MYRIP: variants seen among roughly 807,000 people sequenced by gnomAD.
MYRIP encodes myosin VIIA and Rab interacting protein.
Under a neutral mutation model 98.0 loss-of-function variants are expected in MYRIP, and 49 were observed. The observed-to-expected ratio is 0.50, with a 90% confidence interval of 0.40 to 0.63. MYRIP has a LOEUF of 0.63. MYRIP is among the 30% of genes least tolerant of loss of function. The pLI is 0.00. For missense variants in MYRIP, 1,004 were observed against 1,058.2 expected (o/e 0.95, Z 0.71); for synonymous variants, 404 against 409.5 (o/e 0.99, Z 0.16).
At chr3:40,122,456 A>G (rs1949424317) in intron 3 of MYRIP, among the ~76,000 whole-genome samples, 1 of 151,560 alleles carries the variant, frequency 6.6e-6, no homozygotes, top group Non-Finnish European at 1.5e-5. Context: ...TGTAGAAAAT[A>G]TACAAATACA....
chr3:40,122,432 T>C (rs899287361), intron 3 of MYRIP, among the ~76,000 whole-genome samples: 2 of 151,576 alleles, frequency 1.3e-5, no homozygotes, highest in Non-Finnish European at 2.9e-5. Flanking sequence ...TTTTACCCAA[T>C]TATTCATGCT....
chr3:39,927,643 A>C (rs190237601), intron 2 of MYRIP, among the ~76,000 whole-genome samples: 22 of 152,124 alleles, frequency 1.4e-4, no homozygotes, highest in Middle Eastern at 3.4e-3. Context: ...CCATACTGAA[A>C]CTATTCCAAA....
At chr3:39,918,008 G>A (rs936526040) in intron 2 of MYRIP, among the ~76,000 whole-genome samples, 2 of 151,140 alleles carry the variant, frequency 1.3e-5, no homozygotes, top group Non-Finnish European at 2.9e-5. Context: ...CTCACTGCAA[G>A]CTCAGCTTCC....
intron 10 of MYRIP, 42 bp from the exon 11 acceptor site, chr3:40,209,812 T>C: frequency 6.2e-7 from 1 of 1,610,666 alleles, no homozygotes; most frequent in Non-Finnish European, 8.5e-7. Context: ...AACATGGCTG[T>C]AGCAGAGGGC....
chr3:39,966,562 T>G (rs1303413042), intron 2 of MYRIP, among the ~76,000 whole-genome samples: 1 of 152,158 alleles, frequency 6.6e-6, no homozygotes. Context: ...TAAAAAGGTG[T>G]GAGCCAGCTC....
chr3:40,102,642 G>A (rs1948967885), intron 3 of MYRIP, among the ~76,000 whole-genome samples: 2 of 152,090 alleles, frequency 1.3e-5, no homozygotes. Flanking sequence ...GGAAACTGTG[G>A]CAACAATGTA....
intron 4 of MYRIP, among the ~76,000 whole-genome samples, chr3:40,153,164 G>A (rs1213011055): frequency 1.3e-5 from 2 of 152,028 alleles, no homozygotes; most frequent in African/African-American, 2.4e-5. Context: ...TAGAAATATG[G>A]GAATCAGTTG....
chr3:40,022,699 T>C (rs1196419873), intron 2 of MYRIP, among the ~76,000 whole-genome samples: 4 of 152,070 alleles, frequency 2.6e-5, no homozygotes, highest in Non-Finnish European at 5.9e-5. Flanking sequence ...CCATTAAGGG[T>C]ATTTTAATGC....
chr3:40,166,042 T>G (rs1211061859), intron 5 of MYRIP, among the ~76,000 whole-genome samples: 2 of 152,186 alleles, frequency 1.3e-5, no homozygotes, highest in Admixed American at 1.3e-4. Context: ...ACCACTGGAT[T>G]TTTGTCAGAA....
chr3:39,994,486 G>T (rs973730017), intron 2 of MYRIP, among the ~76,000 whole-genome samples: 1 of 152,246 alleles, frequency 6.6e-6, no homozygotes, highest in Non-Finnish European at 1.5e-5. Flanking sequence ...CAGCAAGGCT[G>T]GGGGAGGGGC....
At chr3:39,949,887 A>G (rs769092752) in intron 2 of MYRIP, among the ~76,000 whole-genome samples, 2 of 152,170 alleles carry the variant, frequency 1.3e-5, no homozygotes, top group Non-Finnish European at 2.9e-5. Flanking sequence ...ACTGGAAAAT[A>G]GTCTCTTCCT....
At chr3:40,060,737 G>C (rs141342970) in intron 3 of MYRIP, among the ~76,000 whole-genome samples, 28 of 150,162 alleles carry the variant, frequency 1.9e-4, no homozygotes, top group Non-Finnish European at 4.4e-5. Flanking sequence ...GATTACAGGC[G>C]CCCACCACTA....
intron 1 of MYRIP, among the ~76,000 whole-genome samples, chr3:39,875,887 G>C (rs564507057): frequency 1.3e-5 from 2 of 152,062 alleles, no homozygotes; most frequent in Admixed American, 6.5e-5. Context: ...TTCAATTCCT[G>C]GGTATCCTTG....
chr3:40,043,363 G>C (rs1264837667), intron 2 of MYRIP, among the ~76,000 whole-genome samples: 1 of 151,742 alleles, frequency 6.6e-6, no homozygotes. Flanking sequence ...TTTTTCCCCA[G>C]GTTACTCAAC....
intron 11 of MYRIP, 125 bp downstream of exon 11, chr3:40,210,218 G>A (rs938019444): frequency 3.3e-6 from 4 of 1,219,894 alleles, no homozygotes; most frequent in Middle Eastern, 2.8e-4. Flanking sequence ...GCCCATCCCT[G>A]TGCATTTGGG....
intron 3 of MYRIP, among the ~76,000 whole-genome samples, chr3:40,148,997 G>A (rs759275771): frequency 2.0e-5 from 3 of 152,198 alleles, no homozygotes; most frequent in African/African-American, 7.2e-5. Flanking sequence ...CTTGGTGTAC[G>A]TGTATGATAT....
At chr3:39,893,708 G>C (rs923615057) in intron 1 of MYRIP, among the ~76,000 whole-genome samples, 14 of 142,230 alleles carry the variant, frequency 9.8e-5, no homozygotes, top group Non-Finnish European at 1.8e-4. Context: ...ACACACACAC[G>C]CATGCACACA....
chr3:39,852,215 G>A (rs1462106068), intron 1 of MYRIP, among the ~76,000 whole-genome samples: 1 of 152,082 alleles, frequency 6.6e-6, no homozygotes, highest in African/African-American at 2.4e-5. Context: ...CAATTGTGGA[G>A]CCCAGTCTGC....
chr3:40,006,614 C>G (rs1276333192), intron 2 of MYRIP, among the ~76,000 whole-genome samples: 3 of 152,180 alleles, frequency 2.0e-5, no homozygotes, highest in Non-Finnish European at 4.4e-5. Flanking sequence ...TGCCTATATT[C>G]TCACTTCAGG....
Sources: gnomAD v4.1 joint callset for allele counts (sites outside exome capture counted in the v4.1 genomes callset) on GRCh38, gnomAD v4.1.1 for gene constraint, MANE v1.5 for transcripts, NCBI Gene and HGNC (gene_info 2026-07-23, HGNC 2026-07-21) for gene names.